Variants in BTLA observed in about 807,000 individuals in gnomAD.
The protein encoded by BTLA is B and T lymphocyte associated.
In BTLA, 11 loss-of-function variants were observed where a neutral mutation model predicts 25.0. That is an observed-to-expected ratio of 0.44 (90% CI 0.28 to 0.73). BTLA has a LOEUF of 0.73. Among genes scored for constraint, BTLA ranks in the 30% least tolerant of loss-of-function variants. The pLI is 0.15. For synonymous variants in BTLA, 104 were observed against 119.8 expected (o/e 0.87, Z 0.86); for missense variants, 282 against 332.8 (o/e 0.85, Z 1.19).
intron 2 of BTLA, among the ~76,000 whole-genome samples, chr3:112,478,284 A>G (rs756550152): frequency 6.6e-6 from 1 of 152,098 alleles, no homozygotes; most frequent in African/African-American, 2.4e-5. Context: ...GCATTTATTT[A>G]CATATTCTTG....
intron 1 of BTLA, among the ~76,000 whole-genome samples, chr3:112,488,216 G>A (rs900525575): frequency 7.7e-6 from 1 of 130,708 alleles, no homozygotes; most frequent in South Asian, 2.5e-4. Context: ...CACAGTTTCC[G>A]TTTTCTTTTT....
intron 1 of BTLA, among the ~76,000 whole-genome samples, chr3:112,497,772 T>C (rs537969864): frequency 2.0e-5 from 3 of 152,246 alleles, no homozygotes; most frequent in East Asian, 3.9e-4. Flanking sequence ...AACTACACAG[T>C]TTAAAATTAT....
intron 1 of BTLA, among the ~76,000 whole-genome samples, chr3:112,484,941 A>T (rs891586230): frequency 1.3e-5 from 2 of 152,250 alleles, no homozygotes; most frequent in Admixed American, 1.3e-4. Flanking sequence ...CCCTCTGTGC[A>T]CAAACAAGGT....
In BTLA at chr3:112,471,222, T is replaced by C; in HGVS notation, c.537A>G (p.Arg179=). The C allele has an allele frequency of 6.2e-7, 1 of 1,613,880 alleles. No individual in the cohort carries two copies. Among genetic ancestry groups the C allele is most frequent in the South Asian group, 1.1e-5 (1 of 91,054 alleles). ...TTCFCLFCCL[R]RHQGKQNELS... ...GAAAATAGAACCCACCTTGGTGCCT[T>C]CTCAGGCAGCAGAACAGGCAGAAAC... Residue 179 remains arginine (R), a synonymous_variant, in exon 3 of 5, where the codon AGA becomes AGG. Transcript: ENST00000334529.
chr3:112,481,560 CCCCTGAAATCAATTTG>C (rs751766350), intron 1 of BTLA, among the ~76,000 whole-genome samples: 20 of 152,216 alleles, frequency 1.3e-4, no homozygotes, highest in Non-Finnish European at 2.5e-4. Context: ...ATTCTAGTTT[CCCCTGAAATCAATTTG>C]CCCTCTGAGC....
At chr3:112,484,033 A>G (rs2082332935) in intron 1 of BTLA, among the ~76,000 whole-genome samples, 1 of 152,142 alleles carries the variant, frequency 6.6e-6, no homozygotes, top group Non-Finnish European at 1.5e-5. Context: ...CAGCCGGGGC[A>G]AAGCTTCATG....
At chr3:112,481,785 T>C (rs983587512) in intron 1 of BTLA, among the ~76,000 whole-genome samples, 1 of 152,256 alleles carries the variant, frequency 6.6e-6, no homozygotes, top group African/African-American at 2.4e-5. Flanking sequence ...ATTTTCCAAA[T>C]CTTTCTATTC....
intron 2 of BTLA, among the ~76,000 whole-genome samples, chr3:112,474,714 C>T (rs1053837283): frequency 2.0e-5 from 3 of 152,104 alleles, no homozygotes; most frequent in African/African-American, 7.2e-5. Flanking sequence ...GGAAAATTAG[C>T]TGAGATTGAA....
chr3:112,479,860 A>T, intron 1 of BTLA, 91 bp from the exon 2 acceptor site: 6 of 1,140,426 alleles, frequency 5.3e-6, no homozygotes, highest in South Asian at 1.7e-5. Context: ...ATTATTTGGT[A>T]ATTTTCAAAA....
intron 1 of BTLA, among the ~76,000 whole-genome samples, chr3:112,486,684 T>C (rs920932310): frequency 1.3e-5 from 2 of 152,188 alleles, no homozygotes; most frequent in Non-Finnish European, 2.9e-5. Flanking sequence ...AAAGTTTTAT[T>C]TTCTAAAGTT....
chr3:112,490,701 G>A (rs2082375445), intron 1 of BTLA, among the ~76,000 whole-genome samples: 1 of 140,612 alleles, frequency 7.1e-6, no homozygotes, highest in African/African-American at 2.7e-5. Context: ...AATACACAGG[G>A]CATAAATCTA....
At chr3:112,483,116 G>A (rs1365983745) in intron 1 of BTLA, among the ~76,000 whole-genome samples, 1 of 146,086 alleles carries the variant, frequency 6.8e-6, no homozygotes, top group East Asian at 2.0e-4. Flanking sequence ...AGCCCCAGGA[G>A]TATCTAACAA....
At chr3:112,481,331 C>G (rs2082316896) in intron 1 of BTLA, among the ~76,000 whole-genome samples, 1 of 152,226 alleles carries the variant, frequency 6.6e-6, no homozygotes, top group Non-Finnish European at 1.5e-5. Flanking sequence ...CCTTTGAAAT[C>G]TACATGGAGG....
chr3:112,472,643 G>A (rs1299278202), intron 2 of BTLA, among the ~76,000 whole-genome samples: 1 of 152,130 alleles, frequency 6.6e-6, no homozygotes, highest in Non-Finnish European at 1.5e-5. Flanking sequence ...TCGGTGAACC[G>A]AGATGGTACC....
intron 1 of BTLA, among the ~76,000 whole-genome samples, chr3:112,496,914 G>C (rs1268066931): frequency 6.6e-6 from 1 of 152,120 alleles, no homozygotes; most frequent in African/African-American, 2.4e-5. Context: ...TTTTAGTAGA[G>C]ACGGGGTTTC....
chr3:112,468,507 G>A (rs934192343), intron 4 of BTLA, among the ~76,000 whole-genome samples: 2 of 152,108 alleles, frequency 1.3e-5, no homozygotes, highest in South Asian at 2.1e-4. Flanking sequence ...TAGCAAAAAC[G>A]CTTTAAAACA....
At chr3:112,488,423 C>T (rs1417080500) in intron 1 of BTLA, among the ~76,000 whole-genome samples, 7 of 151,988 alleles carry the variant, frequency 4.6e-5, no homozygotes, top group African/African-American at 7.3e-5. Flanking sequence ...GGGGTTTTAC[C>T]CGGTTAACCA....
upstream of BTLA, chr3:112,499,561 C>T (rs755831764): frequency 1.3e-5 from 7 of 527,362 alleles, no homozygotes; most frequent in Admixed American, 3.2e-5. Context: ...AACAGAAAGA[C>T]GATGTGGTAC....
At chr3:112,477,469 T>A (rs2082295011) in intron 2 of BTLA, among the ~76,000 whole-genome samples, 1 of 152,136 alleles carries the variant, frequency 6.6e-6, no homozygotes, top group Admixed American at 6.5e-5. Flanking sequence ...CATATGTTTA[T>A]TGGCCATTTG....
Sources: allele counts gnomAD v4.1 joint callset (sites outside exome capture counted in the v4.1 genomes callset), GRCh38; gene constraint gnomAD v4.1.1; transcripts MANE v1.5; gene names NCBI Gene and HGNC (gene_info 2026-07-23, HGNC 2026-07-21).